CATSPERT: variants seen among roughly 807,000 people sequenced by gnomAD.
CATSPERT encodes the protein cation channel sperm-associated targeting subunit tau.
At chr2:201,531,001 C>A in the CATSPERT span, among the ~76,000 whole-genome samples, 1 of 124,208 alleles carries the variant, frequency 8.1e-6, no homozygotes, top group Non-Finnish European at 1.6e-5. Context: ...CACTCTGTTG[C>A]CCAGGCTGGA....
the CATSPERT span, among the ~76,000 whole-genome samples, chr2:201,567,677 G>T: frequency 6.6e-6 from 1 of 152,210 alleles, no homozygotes; most frequent in Non-Finnish European, 1.5e-5. Flanking sequence ...TTACCCCAGG[G>T]TGAGTCAATC....
At chr2:201,582,018 A>G in the CATSPERT span, 1 of 1,519,652 alleles carries the variant, frequency 6.6e-7, no homozygotes, top group Non-Finnish European at 8.8e-7. Flanking sequence ...AAGCCCATCA[A>G]GTATAATAAA....
chr2:201,505,250 T>G, the CATSPERT span, among the ~76,000 whole-genome samples: 1 of 152,162 alleles, frequency 6.6e-6, no homozygotes, highest in Non-Finnish European at 1.5e-5. Context: ...GTCTGGCTAA[T>G]TTTTGTATTT....
the CATSPERT span, among the ~76,000 whole-genome samples, chr2:201,583,918 C>T: frequency 6.6e-6 from 1 of 152,206 alleles, no homozygotes; most frequent in Non-Finnish European, 1.5e-5. Context: ...ATTTAACAAA[C>T]CTAAACAAGG....
the CATSPERT span, chr2:201,487,702 C>T: frequency 1.9e-6 from 3 of 1,613,952 alleles, no homozygotes; most frequent in African/African-American, 1.3e-5. Flanking sequence ...CTGATGAAAC[C>T]ATTCGACGAC....
the CATSPERT span, among the ~76,000 whole-genome samples, chr2:201,563,443 G>C: frequency 2.4e-5 from 1 of 41,216 alleles, no homozygotes; most frequent in African/African-American, 8.3e-5. Flanking sequence ...CCTCCCGGAC[G>C]GGGCGGCTGG....
At chr2:201,515,890 A>G in the CATSPERT span, among the ~76,000 whole-genome samples, 7 of 152,356 alleles carry the variant, frequency 4.6e-5, no homozygotes, top group African/African-American at 1.7e-4. Context: ...GAGCATTCAC[A>G]GTACAAGTGT....
chr2:201,487,728 T>G, the CATSPERT span: 1 of 1,614,222 alleles, frequency 6.2e-7, no homozygotes, highest in African/African-American at 1.3e-5. Flanking sequence ...AACTTTCCAC[T>G]GTAGCTTTCT....
the CATSPERT span, chr2:201,535,344 C>T: frequency 1.8e-5 from 18 of 980,554 alleles, no homozygotes; most frequent in East Asian, 1.9e-3. Flanking sequence ...TGATGAACTA[C>T]CTGTAATAGT....
At chr2:201,527,195 T>A in the CATSPERT span, among the ~76,000 whole-genome samples, 1 of 152,148 alleles carries the variant, frequency 6.6e-6, no homozygotes, top group Admixed American at 6.5e-5. Flanking sequence ...GAAATACAGC[T>A]AACCAGGGAG....
the CATSPERT span, among the ~76,000 whole-genome samples, chr2:201,542,172 C>CAA: frequency 7.0e-3 from 1,054 of 151,354 alleles, 10 homozygotes; most frequent in African/African-American, 0.019. Context: ...CCCTAGGAAA[C>CAA]AAAAAAAAAT....
the CATSPERT span, among the ~76,000 whole-genome samples, chr2:201,597,390 T>C: frequency 6.6e-6 from 1 of 152,210 alleles, no homozygotes; most frequent in Non-Finnish European, 1.5e-5. Flanking sequence ...GAAGAATAAC[T>C]ACATAGATTT....
the CATSPERT span, among the ~76,000 whole-genome samples, chr2:201,573,898 T>C: frequency 6.6e-6 from 1 of 152,074 alleles, no homozygotes; most frequent in Non-Finnish European, 1.5e-5. Context: ...CTCAGGTGAT[T>C]CACCCACCTC....
At chr2:201,511,307 T>G in the CATSPERT span, among the ~76,000 whole-genome samples, 4 of 152,182 alleles carry the variant, frequency 2.6e-5, no homozygotes, top group African/African-American at 9.7e-5. Flanking sequence ...TGAGTAAAGT[T>G]AATACTTACC....
At chr2:201,608,897 T>TA in the CATSPERT span, among the ~76,000 whole-genome samples, 890 of 140,820 alleles carry the variant, frequency 6.3e-3, 10 homozygotes, top group African/African-American at 0.02. Context: ...AAAAGTTGAT[T>TA]AAAAAAAAAA....
the CATSPERT span, among the ~76,000 whole-genome samples, chr2:201,576,327 ACT>A: frequency 6.6e-6 from 1 of 152,180 alleles, no homozygotes; most frequent in Non-Finnish European, 1.5e-5. Context: ...TCAGCAGAGG[ACT>A]CTGTGACTAT....
chr2:201,562,530 T>A, the CATSPERT span, among the ~76,000 whole-genome samples: 75 of 150,502 alleles, frequency 5.0e-4, no homozygotes, highest in Middle Eastern at 3.4e-3. Flanking sequence ...TTATTTATTT[T>A]TTTTATTGAT....
At chr2:201,618,943 G>T in the CATSPERT span, 1 of 1,613,888 alleles carries the variant, frequency 6.2e-7, no homozygotes, top group African/African-American at 1.3e-5. Context: ...CTTGTTCTTA[G>T]GCAGGGCCGT....
At chr2:201,618,802 C>T in the CATSPERT span, 2,788 of 1,015,082 alleles carry the variant, frequency 2.7e-3, 31 homozygotes, top group Admixed American at 0.02. Context: ...AAGGGAGATG[C>T]AATTGGCACA....
Sources: gnomAD v4.1 joint callset for allele counts (sites outside exome capture counted in the v4.1 genomes callset) on GRCh38, gnomAD v4.1.1 for gene constraint, MANE v1.5 for transcripts, NCBI Gene and HGNC (gene_info 2026-07-23, HGNC 2026-07-21) for gene names.